The following CREB3L2 variants were observed in gnomAD, a reference collection of about 807,000 sequenced individuals.
The protein encoded by CREB3L2 is cyclic AMP-responsive element-binding protein 3-like protein 2.
A neutral mutation model predicts 57.2 loss-of-function variants in CREB3L2; 23 were observed. That is an observed-to-expected ratio of 0.40 (90% CI 0.29 to 0.57). The LOEUF (loss-of-function observed/expected upper bound fraction) is 0.57. Among genes scored for constraint, CREB3L2 ranks in the 20% least tolerant of loss-of-function variants. CREB3L2 has a pLI of 0.42. For synonymous variants in CREB3L2, 268 were observed against 265.1 expected (o/e 1.01, Z -0.11); for missense variants, 628 against 634.7 (o/e 0.99, Z 0.11).
intron 1 of CREB3L2, among the ~76,000 whole-genome samples, chr7:137,979,865 G>A (rs1801682538): frequency 6.6e-6 from 1 of 152,164 alleles, no homozygotes; most frequent in Admixed American, 6.5e-5. Flanking sequence ...GAGACAGCAG[G>A]GAGCCTGACT....
At chr7:137,887,519 C>A (rs1375554502) in intron 8 of CREB3L2, among the ~76,000 whole-genome samples, 1 of 152,062 alleles carries the variant, frequency 6.6e-6, no homozygotes, top group Non-Finnish European at 1.5e-5. Context: ...CCAGCCTGGC[C>A]AACATAGTAA....
rs1799317308 is a variant in CREB3L2 at position 137,882,494 on chromosome 7, G to T, written c.1405C>A (p.Pro469Thr). Reference protein sequence around the residue: ...LLRVSGLESRPDVDLPHFIIS... With the variant: ...LLRVSGLESRTDVDLPHFIIS... ...ATGAAATGGGGAAGATCCACATCCG[G>T]CCTGGACTCCAGCCCTGACACCCTG... The change falls in exon 11 of 12, where the codon CCG (proline) becomes ACG (threonine). Residue 469 changes from proline (P) to threonine (T), a missense_variant. Transcript: ENST00000330387. 3 of 1,613,888 alleles carry T rather than the reference G, an allele frequency of 1.9e-6. No individual in the cohort carries two copies. The African/African-American group carries it at 4.0e-5, about 22-fold the overall frequency.
At chr7:137,894,302 G>A (rs1799576847) in intron 8 of CREB3L2, among the ~76,000 whole-genome samples, 1 of 152,086 alleles carries the variant, frequency 6.6e-6, no homozygotes, top group Non-Finnish European at 1.5e-5. Flanking sequence ...CTGGCACCTG[G>A]GGGCAAGGAG....
chr7:137,908,358 T>C lies in CREB3L2; in HGVS notation c.662A>G (p.Asn221Ser). 15 of 1,260,210 alleles carry C rather than the reference T, an allele frequency of 1.2e-5. No individual in the cohort carries two copies. Among genetic ancestry groups the C allele is most frequent in the Non-Finnish European group, 1.4e-5 (14 of 994,180 alleles). 78.1% of individuals were successfully genotyped at this position (1,260,210 alleles called of 1,614,324 possible). ...CAGGCTGAAGGGGTGCAGGCGTGGG[T>C]TGGGACTCAGGCTGCCCTCTGAGTC... ...GSDSEGSLSP[N>S]PRLHPFSLPQ... The change falls in exon 5 of 12, where the codon AAC becomes AGC. Residue 221 changes from asparagine to serine, a missense_variant. Physicochemically the swap from Asn to Ser is conservative, Grantham distance 46. Coordinates refer to ENST00000330387, the MANE Select transcript of CREB3L2 (RefSeq NM_194071.4).
At chr7:137,899,606 A>G (rs1426672277) in intron 8 of CREB3L2, among the ~76,000 whole-genome samples, 2 of 152,214 alleles carry the variant, frequency 1.3e-5, no homozygotes, top group African/African-American at 2.4e-5. Context: ...CCAGCAGACT[A>G]ACGGCCAAAG....
chr7:137,890,816 C>T (rs1799514505), intron 8 of CREB3L2, among the ~76,000 whole-genome samples: 1 of 152,134 alleles, frequency 6.6e-6, no homozygotes, highest in African/African-American at 2.4e-5. Flanking sequence ...ACAGCCCCCA[C>T]CCTACTTGCA....
chr7:137,960,747 T>C (rs1801304293), intron 1 of CREB3L2, among the ~76,000 whole-genome samples: 1 of 152,056 alleles, frequency 6.6e-6, no homozygotes, highest in African/African-American at 2.4e-5. Context: ...TTATTTCATT[T>C]AAATTAACAA....
intron 8 of CREB3L2, among the ~76,000 whole-genome samples, chr7:137,887,504 C>T (rs1003447138): frequency 1.3e-5 from 2 of 152,066 alleles, no homozygotes; most frequent in Non-Finnish European, 2.9e-5. Flanking sequence ...GTCAGGAGTT[C>T]GAGACCAGCC....
Position 137,880,866 on chromosome 7 carries a change from C to G in CREB3L2, c.1488-315G>C, listed in dbSNP as rs1585584650. Among the ~76,000 whole-genome samples, 1 of 152,096 alleles carries G rather than the reference C, an allele frequency of 6.6e-6. No individual in the cohort carries two copies. Among genetic ancestry groups the G allele is most frequent in the South Asian group, 2.1e-4 (1 of 4,828 alleles). On this transcript the variant is annotated intron_variant, in intron 11 of 11. Transcript: ENST00000330387. The surrounding 1 kb of genome is among the most constrained non-coding windows in gnomAD (Gnocchi z 4.0). ...TTCTATTTACTTAGGATGTTTAGCCCTATGCTAAACTCAGGGAAGGAGAAA... is the reference window on the plus strand; with the variant it reads ...TTCTATTTACTTAGGATGTTTAGCCGTATGCTAAACTCAGGGAAGGAGAAA...
intron 1 of CREB3L2, among the ~76,000 whole-genome samples, chr7:137,968,768 C>T (rs576575370): frequency 1.3e-5 from 2 of 152,202 alleles, no homozygotes; most frequent in South Asian, 2.1e-4. Context: ...AGCTCAGGCC[C>T]GCCACCAACT....
intron 1 of CREB3L2, among the ~76,000 whole-genome samples, chr7:137,958,319 T>A (rs1801256617): frequency 6.6e-6 from 1 of 152,138 alleles, no homozygotes; most frequent in African/African-American, 2.4e-5. Flanking sequence ...AGATCCTAAG[T>A]CTACTGTCTT....
chr7:137,963,702 T>G (rs1801361800), intron 1 of CREB3L2, among the ~76,000 whole-genome samples: 1 of 152,214 alleles, frequency 6.6e-6, no homozygotes, highest in South Asian at 2.1e-4. Context: ...TCCCCCAGGA[T>G]CTTTTGAAAT....
In CREB3L2 at chr7:138,001,356, C is replaced by G. The variant is rs73729540; in HGVS notation, c.102+248G>C. On this transcript the variant is annotated intron_variant, in intron 1 of 11. Transcript: ENST00000330387. This position sits in a 1 kb window ranked among gnomAD's most constrained non-coding sequence, Gnocchi z 4.2. ...CAAATGATATTACAGATGGAAAAAG[C>G]CTCAGGGAAAAAAGCATGAATTGTT... Among the ~76,000 whole-genome samples the G allele has an allele frequency of 0.054, 8,156 of 152,166 alleles. 437 individuals carry two copies. The highest frequency in any genetic ancestry group is 0.13 in the African/African-American group (5,539 of 41,474).
At chr7:137,941,070 G>A (rs145295816) in intron 1 of CREB3L2, among the ~76,000 whole-genome samples, 1 of 152,192 alleles carries the variant, frequency 6.6e-6, no homozygotes, top group African/African-American at 2.4e-5. Context: ...AATGACATGT[G>A]TTGAGACATA....
intron 1 of CREB3L2, among the ~76,000 whole-genome samples, chr7:137,970,791 C>A (rs892261764): frequency 4.6e-5 from 7 of 152,258 alleles, no homozygotes; most frequent in Non-Finnish European, 8.8e-5. Flanking sequence ...GGCCAGCAAC[C>A]GTTAAACACA....
intron 1 of CREB3L2, among the ~76,000 whole-genome samples, chr7:137,999,343 A>G (rs1802039232): frequency 6.8e-6 from 1 of 146,478 alleles, no homozygotes; most frequent in Non-Finnish European, 1.5e-5. Context: ...ATCCAACATA[A>G]TCACTTCTTT....
intron 1 of CREB3L2, among the ~76,000 whole-genome samples, chr7:137,985,998 A>G (rs1473979714): frequency 6.6e-6 from 1 of 152,256 alleles, no homozygotes; most frequent in South Asian, 2.1e-4. Flanking sequence ...CTCAGAAACT[A>G]TTGGAGAAAA....
chr7:137,915,854 G>A lies in CREB3L2; in HGVS notation c.478C>T (p.Leu160=), dbSNP rs775381598. 6.8e-6 allele frequency: 11 copies of A among 1,613,922 alleles called. No individual in the cohort carries two copies. Among genetic ancestry groups the A allele is most frequent in the African/African-American group, 1.3e-5 (1 of 74,928 alleles). The change falls in exon 3 of 12, where the codon CTG becomes TTG. Residue 160 remains leucine (L), a synonymous_variant. Transcript: ENST00000330387. ...STPLEKEEPP[L]EMNTGVDSSC... is the part of the protein sequence containing the mutation. Reference sequence around the variant, plus strand: ...GAGCATACCCCAGTGTTCATTTCCAGAGGAGGTTCCTCCTTTTCCAACGGG... The same window carrying A: ...GAGCATACCCCAGTGTTCATTTCCAAAGGAGGTTCCTCCTTTTCCAACGGG...
At chr7:137,913,412 C>T (rs1800057934) in intron 3 of CREB3L2, among the ~76,000 whole-genome samples, 1 of 149,754 alleles carries the variant, frequency 6.7e-6, no homozygotes, top group South Asian at 2.1e-4. Context: ...GAGGCTGAGG[C>T]AGGAGAATCA....
Sources: gnomAD v4.1 joint callset for allele counts (sites outside exome capture counted in the v4.1 genomes callset) on GRCh38, gnomAD v4.1.1 for gene constraint, Gnocchi (gnomAD v3.1) non-coding constraint, MANE v1.5 for transcripts, NCBI Gene and HGNC (gene_info 2026-07-23, HGNC 2026-07-21) for gene names.